Variants in SEC14L3 observed in about 807,000 individuals in gnomAD.
SEC14L3 encodes the protein SEC14 like lipid binding 3, also known as SEC14-like protein 3.
A neutral mutation model predicts 57.4 loss-of-function variants in SEC14L3; 56 were observed. The observed-to-expected ratio is 0.97, with a 90% confidence interval of 0.79 to 1.22. The LOEUF (loss-of-function observed/expected upper bound fraction) is 1.22, where lower values mean the gene tolerates loss of function less well. Among genes scored for constraint, SEC14L3 ranks in the 50% most tolerant of loss-of-function variants. The probability of loss-of-function intolerance (pLI) is 0.00; values close to 1 mark genes in which losing one functional copy is unlikely to be tolerated. For synonymous variants in SEC14L3, 173 were observed against 194.4 expected (o/e 0.89, Z 0.92); for missense variants, 485 against 511.7 (o/e 0.95, Z 0.50).
At chr22:30,448,982 G>A (rs1934930266) in exon 13 of SEC14L3, 1 of 1,061,952 alleles carries the variant, frequency 9.4e-7, no homozygotes, top group Admixed American at 2.1e-5. Flanking sequence ...CTTAGAAGCA[G>A]CATGGCAAGG....
At chr22:30,471,020 C>G (rs1047779522) in intron 1 of SEC14L3, 9 of 309,128 alleles carry the variant, frequency 2.9e-5, no homozygotes, top group Non-Finnish European at 3.8e-5. Context: ...TATGGTGGCT[C>G]ACGCCTGTCA....
chr22:30,448,775 T>C, exon 13 of SEC14L3: 1 of 265,120 alleles, frequency 3.8e-6, no homozygotes, highest in Non-Finnish European at 7.2e-6. Context: ...ACCTGTGGTC[T>C]CAGCCACTCA....
chr22:30,461,576 A>G lies in SEC14L3; in HGVS notation c.890T>C (p.Leu297Pro). ...CTACCTGAGAACGCAGCCTGGAAAT[A>G]GGATCTCGTATTCCACTTGGTGTGA... ...GSSHQVEYEI[L>P]FPGCVLRWQF... Residue 297 changes from leucine (L) to proline (P), a missense_variant, in exon 10 of 12, where the codon CTA (leucine) becomes CCA (proline). Physicochemically the swap from Leu to Pro is moderately conservative, Grantham distance 98. Coordinates refer to ENST00000215812, the MANE Select transcript of SEC14L3 (RefSeq NM_174975.5). 6.2e-7 allele frequency: 1 copy of G among 1,614,074 alleles called. No homozygotes were observed. Among genetic ancestry groups the G allele is most frequent in the Non-Finnish European group, 8.5e-7 (1 of 1,180,012 alleles).
chr22:30,461,759 T>G (rs1935275002), intron 9 of SEC14L3, 65 bp from the exon 10 acceptor site: 2 of 1,553,316 alleles, frequency 1.3e-6, no homozygotes, highest in Admixed American at 1.9e-5. Flanking sequence ...TTCTTCTGCC[T>G]GAGACACTTT....
intron 1 of SEC14L3, chr22:30,471,361 G>A (rs1935605864): frequency 2.3e-6 from 1 of 442,858 alleles, no homozygotes; most frequent in Non-Finnish European, 4.5e-6. Context: ...TGCATTCTTA[G>A]TTCCCTCCAT....
Position 30,468,612 on chromosome 22 carries a change from C to A in SEC14L3, c.319G>T (p.Asp107Tyr). 1 of 1,613,996 alleles carries A rather than the reference C, an allele frequency of 6.2e-7. No homozygotes were observed. Among genetic ancestry groups the A allele is most frequent in the Non-Finnish European group, 8.5e-7 (1 of 1,180,016 alleles). The change falls in exon 5 of 12, where the codon GAT (aspartate) becomes TAT (tyrosine). Residue 107 changes from aspartate (D) to tyrosine (Y), a missense_variant. By Grantham distance (160) the Asp-to-Tyr change is radical. Coordinates refer to ENST00000215812, the MANE Select transcript of SEC14L3 (RefSeq NM_174975.5). ...ACTGAGAAGAGCAACCCCTTGGGAT[C>A]AAGTGGCCCAATGATGTCATACCAC... ...PVWYDIIGPL[D>Y]PKGLLFSVTK...
chr22:30,454,093 GCTGTC>G (rs1157585401), intron 12 of SEC14L3, among the ~76,000 whole-genome samples: 1 of 152,072 alleles, frequency 6.6e-6, no homozygotes, highest in Non-Finnish European at 1.5e-5. Context: ...ACTCACCCTA[GCTGTC>G]CTGTACAACC....
intron 4 of SEC14L3, 61 bp downstream of exon 4, chr22:30,469,958 C>A: frequency 7.6e-7 from 1 of 1,310,062 alleles, no homozygotes; most frequent in Non-Finnish European, 1.1e-6. Context: ...CATTCATGGT[C>A]CCCAGTGACC....
At chr22:30,450,465 A>G (rs1184213843) in intron 12 of SEC14L3, among the ~76,000 whole-genome samples, 3 of 151,994 alleles carry the variant, frequency 2.0e-5, no homozygotes, top group Non-Finnish European at 4.4e-5. Flanking sequence ...ACCTTGCCCA[A>G]CTAATTTGTA....
At chr22:30,451,153 G>T (rs1416986538) in intron 12 of SEC14L3, among the ~76,000 whole-genome samples, 2 of 152,214 alleles carry the variant, frequency 1.3e-5, no homozygotes, top group African/African-American at 4.8e-5. Context: ...CAGGTCAGGG[G>T]GGCTGCCGGG....
At chr22:30,465,014 T>G in intron 7 of SEC14L3, 111 bp from the exon 8 acceptor site, 1 of 1,517,136 alleles carries the variant, frequency 6.6e-7, no homozygotes, top group Non-Finnish European at 8.9e-7. Flanking sequence ...CCTGGTCAAT[T>G]CCAGTGTCTG....
At chr22:30,453,954 T>C (rs1439059316) in intron 12 of SEC14L3, among the ~76,000 whole-genome samples, 7 of 152,120 alleles carry the variant, frequency 4.6e-5, no homozygotes, top group Admixed American at 3.9e-4. Context: ...ACAGAACTAA[T>C]CTCTCCTCCC....
At chr22:30,452,246 C>CTTT (rs750537241) in intron 12 of SEC14L3, among the ~76,000 whole-genome samples, 42 of 89,914 alleles carry the variant, frequency 4.7e-4, no homozygotes, top group South Asian at 8.7e-4. Flanking sequence ...TTCTTTCTTT[C>CTTT]TTTTTTTTTT....
downstream of SEC14L3, among the ~76,000 whole-genome samples, chr22:30,455,061 A>T (rs1368579039): frequency 2.9e-5 from 1 of 34,800 alleles, no homozygotes; most frequent in Non-Finnish European, 4.1e-5. Flanking sequence ...ACAATATATT[A>T]TATATAATAT....
Position 30,462,129 on chromosome 22 carries a change from C to A in SEC14L3, c.728G>T (p.Gly243Val), listed in dbSNP as rs765492935. The change falls in exon 9 of 12, where the codon GGC becomes GTC. Residue 243 changes from glycine (G) to valine (V), a missense_variant. By Grantham distance (109) the Gly-to-Val change is moderately radical (BLOSUM62 -3). Coordinates refer to ENST00000215812, the MANE Select transcript of SEC14L3 (RefSeq NM_174975.5). ...GTTCCCATCTGGGTCAGTCAGGGTGCCCCCAAACTGGGCAGGCAGTTCCTC... is the reference window on the plus strand; with the variant it reads ...GTTCCCATCTGGGTCAGTCAGGGTGACCCCAAACTGGGCAGGCAGTTCCTC... ...SPEELPAQFG[G>V]TLTDPDGNPK... 3 of 1,614,138 alleles carry A rather than the reference C, an allele frequency of 1.9e-6. No individual in the cohort carries two copies. Among genetic ancestry groups the A allele is most frequent in the Admixed American group, 3.3e-5 (2 of 60,012 alleles).
At chr22:30,449,686 T>G (rs567677684) in intron 12 of SEC14L3, among the ~76,000 whole-genome samples, 2 of 151,732 alleles carry the variant, frequency 1.3e-5, no homozygotes, top group African/African-American at 4.8e-5. Flanking sequence ...TGTCTCAACC[T>G]CCCGAGTAGC....
chr22:30,454,867 TACATA>T (rs1569225340), downstream of SEC14L3, among the ~76,000 whole-genome samples: 39 of 21,246 alleles, frequency 1.8e-3, 3 homozygotes, highest in East Asian at 0.071. Flanking sequence ...TATTATATAA[TACATA>T]ATATATTATT....
Position 30,468,793 on chromosome 22 carries a change from G to T in SEC14L3, c.235-97C>A, listed in dbSNP as rs1935511090. On this transcript the variant is annotated intron_variant, in intron 4 of 11. Transcript: ENST00000215812. ...GTGGCCCAAGCCTACACACACCATG[G>T]TATAAAAAGCACTGTCCCTCCCTGG... The T allele has an allele frequency of 6.8e-6, 11 of 1,608,208 alleles. 1 individual carries two copies. The East Asian group carries it at 2.5e-4, about 36-fold the overall frequency.
At chr22:30,454,166 T>C (rs1935037510) in intron 12 of SEC14L3, among the ~76,000 whole-genome samples, 1 of 152,154 alleles carries the variant, frequency 6.6e-6, no homozygotes, top group Non-Finnish European at 1.5e-5. Flanking sequence ...CCCAGCCTCC[T>C]GCAAGATGCT....
Sources: gnomAD v4.1 joint callset for allele counts (sites outside exome capture counted in the v4.1 genomes callset) on GRCh38, gnomAD v4.1.1 for gene constraint, MANE v1.5 for transcripts, NCBI Gene and HGNC (gene_info 2026-07-23, HGNC 2026-07-21) for gene names.